Variants in C6orf118 observed in about 807,000 individuals in gnomAD.
C6orf118 encodes chromosome 6 open reading frame 118.
Under a neutral mutation model 50.2 loss-of-function variants are expected in C6orf118, and 50 were observed. The ratio of observed to expected loss-of-function variants is 1.00; its 90% CI spans 0.79 to 1.26. The LOEUF (loss-of-function observed/expected upper bound fraction) is 1.26, where lower values mean the gene tolerates loss of function less well. Ranked by LOEUF, C6orf118 falls within the 50% of genes most tolerant of loss-of-function variation. C6orf118 has a pLI of 0.00. For synonymous variants in C6orf118, 239 were observed against 230.9 expected (o/e 1.03, Z -0.32); for missense variants, 641 against 578.7 (o/e 1.11, Z -1.10).
At chr6:165,281,473 A>G (rs1201713657) in intron 8 of C6orf118, 167 bp downstream of exon 8, 4 of 1,373,210 alleles carry the variant, frequency 2.9e-6, no homozygotes, top group Admixed American at 3.9e-5. Context: ...CATGATGTCA[A>G]TACTTACTCC....
At chr6:165,298,673 C>T (rs1192143406) in intron 4 of C6orf118, among the ~76,000 whole-genome samples, 9 of 152,162 alleles carry the variant, frequency 5.9e-5, no homozygotes, top group Non-Finnish European at 7.3e-5. Context: ...ACGTAAGGAA[C>T]AAGGTAAATT....
chr6:165,285,278 A>G (rs1779862497), intron 7 of C6orf118, among the ~76,000 whole-genome samples: 1 of 152,228 alleles, frequency 6.6e-6, no homozygotes, highest in African/African-American at 2.4e-5. Flanking sequence ...TCCTAAATAT[A>G]TATGCACCCA....
chr6:165,289,272 A>G (rs1780025028), intron 7 of C6orf118, among the ~76,000 whole-genome samples: 1 of 152,146 alleles, frequency 6.6e-6, no homozygotes, highest in Admixed American at 6.6e-5. Context: ...TGGACCACCA[A>G]CACCTTTCTA....
chr6:165,298,981 T>G (rs1780413550), intron 4 of C6orf118, among the ~76,000 whole-genome samples: 1 of 152,240 alleles, frequency 6.6e-6, no homozygotes, highest in Non-Finnish European at 1.5e-5. Context: ...AAGTTATTCC[T>G]GCAGTATATT....
intron 7 of C6orf118, among the ~76,000 whole-genome samples, chr6:165,282,861 G>A (rs1779775118): frequency 6.6e-6 from 1 of 151,922 alleles, no homozygotes; most frequent in Non-Finnish European, 1.5e-5. Flanking sequence ...TATCTAAGGA[G>A]GTTTTAATTA....
chr6:165,289,538 C>A lies in C6orf118; in HGVS notation c.1302+348G>T, dbSNP rs73788316. 4.9e-3 allele frequency among the ~76,000 whole-genome samples: 751 copies of A among 152,110 alleles called. 5 individuals are homozygous for A. Among genetic ancestry groups the A allele is most frequent in the African/African-American group, 0.017 (720 of 41,482 alleles). ...AGTGTACCACCACCCAAATAGTGTA[C>A]GGTGTACCCAGTAGGTAGTATTTCA... is the stretch of plus-strand genomic sequence containing the variant. On this transcript the variant is annotated intron_variant, in intron 7 of 8. Transcript: ENST00000230301.
Position 165,297,966 on chromosome 6 carries a change from T to A in C6orf118, c.1061+11A>T, listed in dbSNP as rs935128325. On this transcript the variant is annotated intron_variant, in intron 5 of 8. Coordinates refer to ENST00000230301, the MANE Select transcript of C6orf118 (RefSeq NM_144980.4). ...TCTAAACATAGATCAGATCCGTCCC[T>A]CATGCCTCACCTATCATTCTGCTCC... The A allele has an allele frequency of 8.7e-6, 14 of 1,613,688 alleles. No individual in the cohort carries two copies. Among genetic ancestry groups the A allele is most frequent in the Non-Finnish European group, 1.2e-5 (14 of 1,180,028 alleles).
chr6:165,281,160 A>G (rs1038492660), intron 8 of C6orf118, among the ~76,000 whole-genome samples: 3 of 152,332 alleles, frequency 2.0e-5, no homozygotes, highest in Admixed American at 1.3e-4. Context: ...AAGATTTAAC[A>G]TCACTAAAAG....
chr6:165,285,033 G>A (rs1322883392), intron 7 of C6orf118, among the ~76,000 whole-genome samples: 1 of 152,108 alleles, frequency 6.6e-6, no homozygotes, highest in Non-Finnish European at 1.5e-5. Flanking sequence ...GCTAGATAAA[G>A]AGTCAAGACC....
intron 4 of C6orf118, among the ~76,000 whole-genome samples, chr6:165,298,377 TG>T (rs1210722507): frequency 1.3e-5 from 2 of 152,080 alleles, no homozygotes; most frequent in African/African-American, 2.4e-5. Flanking sequence ...TTGGCCCGTG[TG>T]GGGGGAAGGA....
chr6:165,284,596 A>C (rs1722500196), intron 7 of C6orf118, among the ~76,000 whole-genome samples: 2 of 152,198 alleles, frequency 1.3e-5, no homozygotes, highest in African/African-American at 4.8e-5. Context: ...TCACCTAGAA[A>C]GGGAAATCCA....
At chr6:165,300,808 T>C (rs1157279837) in intron 2 of C6orf118, among the ~76,000 whole-genome samples, 1 of 152,106 alleles carries the variant, frequency 6.6e-6, no homozygotes, top group Non-Finnish European at 1.5e-5. Context: ...GCCTGGCTGC[T>C]TCCTGGGGGC....
chr6:165,288,854 G>A (rs1780008274), intron 7 of C6orf118, among the ~76,000 whole-genome samples: 1 of 152,022 alleles, frequency 6.6e-6, no homozygotes, highest in African/African-American at 2.4e-5. Flanking sequence ...TAGGTGATAG[G>A]ATGATAGGTG....
rs1006050804 is a variant in C6orf118, at chr6:165,281,519, C to T, written c.1356+121G>A. On this transcript the variant is annotated intron_variant, in intron 8 of 8. Transcript: ENST00000230301. Reference sequence around the variant, plus strand: ...CACTGATCTTTCCTATGATCTGCTTCACATGGTTTTCAGTAACCTACAAAG... The same window carrying T: ...CACTGATCTTTCCTATGATCTGCTTTACATGGTTTTCAGTAACCTACAAAG... 3.5e-6 allele frequency: 5 copies of T among 1,423,138 alleles called. No individual in the cohort carries two copies. The South Asian group carries it at 7.3e-5, about 21-fold the overall frequency. The allele number at this position is 1,423,138 out of a possible 1,614,324, so 88.2% of individuals were successfully genotyped here.
intron 6 of C6orf118, among the ~76,000 whole-genome samples, chr6:165,292,753 G>T (rs940245836): frequency 1.3e-5 from 2 of 152,130 alleles, no homozygotes; most frequent in African/African-American, 4.8e-5. Context: ...TGCAAATCAG[G>T]CGACAAGAAA....
intron 5 of C6orf118, 127 bp downstream of exon 5, chr6:165,297,850 G>T: frequency 7.4e-7 from 1 of 1,358,490 alleles, no homozygotes; most frequent in Non-Finnish European, 1.0e-6. Flanking sequence ...TGACAGGCAT[G>T]ATATTAGCAA....
chr6:165,280,602 G>A (rs1391244239), intron 8 of C6orf118, among the ~76,000 whole-genome samples: 1 of 152,186 alleles, frequency 6.6e-6, no homozygotes, highest in East Asian at 1.9e-4. Context: ...CTCTCTTACG[G>A]CTGAGAGTGA....
intron 1 of C6orf118, among the ~76,000 whole-genome samples, chr6:165,306,241 G>A (rs374406026): frequency 0.081 from 3,812 of 46,892 alleles, 176 homozygotes; most frequent in Non-Finnish European, 0.11. Context: ...ACCAAACACC[G>A]CATATTCTCA....
intron 7 of C6orf118, among the ~76,000 whole-genome samples, chr6:165,285,795 T>A (rs189987417): frequency 6.6e-6 from 1 of 152,056 alleles, no homozygotes; most frequent in African/African-American, 2.4e-5. Flanking sequence ...GGGAAATTTA[T>A]AGCACTAAAT....
Sources: gnomAD v4.1 joint callset for allele counts (sites outside exome capture counted in the v4.1 genomes callset) on GRCh38, gnomAD v4.1.1 for gene constraint, MANE v1.5 for transcripts, NCBI Gene and HGNC (gene_info 2026-07-23, HGNC 2026-07-21) for gene names.